Variants in NEGR1 observed in about 807,000 individuals in gnomAD.
The protein encoded by NEGR1 is neuronal growth regulator 1, also known as IgLON family member 4.
Under a neutral mutation model 40.9 loss-of-function variants are expected in NEGR1, and 10 were observed. That is an observed-to-expected ratio of 0.24 (90% confidence interval 0.15 to 0.42). NEGR1 has a LOEUF of 0.42. Ranked by LOEUF, NEGR1 falls within the 10% of genes least tolerant of loss-of-function variation. NEGR1 has a pLI of 1.00. For synonymous variants in NEGR1, 185 were observed against 166.8 expected (o/e 1.11, Z -0.84); for missense variants, 352 against 438.9 (o/e 0.80, Z 1.77).
chr1:71,649,230 C>T (rs1251599474), intron 4 of NEGR1, among the ~76,000 whole-genome samples: 1 of 152,008 alleles, frequency 6.6e-6, no homozygotes, highest in Non-Finnish European at 1.5e-5. Flanking sequence ...AAAAGCAAAA[C>T]TTTCATATTC....
intron 2 of NEGR1, among the ~76,000 whole-genome samples, chr1:71,839,705 T>G (rs1398511293): frequency 1.3e-5 from 2 of 152,202 alleles, no homozygotes; most frequent in African/African-American, 4.8e-5. Flanking sequence ...TATTTGCAAA[T>G]ATTCCAGAGG....
At chr1:71,466,934 T>C (rs1006548600) in intron 6 of NEGR1, among the ~76,000 whole-genome samples, 27 of 152,236 alleles carry the variant, frequency 1.8e-4, no homozygotes, top group African/African-American at 6.0e-4. Context: ...GATTGTCAAC[T>C]CTGTAGTATA....
At chr1:71,636,082 A>G (rs1651138803) in intron 4 of NEGR1, among the ~76,000 whole-genome samples, 2 of 152,202 alleles carry the variant, frequency 1.3e-5, no homozygotes, top group Non-Finnish European at 2.9e-5. Context: ...TAAATGTTTC[A>G]TCGTTTTAAA....
intron 6 of NEGR1, among the ~76,000 whole-genome samples, chr1:71,475,524 G>A (rs900550898): frequency 6.6e-6 from 1 of 151,878 alleles, no homozygotes; most frequent in African/African-American, 2.4e-5. Flanking sequence ...TGCAATAAAT[G>A]TTATTAATAA....
intron 1 of NEGR1, among the ~76,000 whole-genome samples, chr1:72,021,512 A>C (rs550203250): frequency 6.6e-6 from 1 of 152,168 alleles, no homozygotes; most frequent in Non-Finnish European, 1.5e-5. Flanking sequence ...AAAGTTAATA[A>C]ATCGGAGATA....
chr1:71,724,143 GA>G (rs1293890871), intron 3 of NEGR1, among the ~76,000 whole-genome samples: 1 of 152,108 alleles, frequency 6.6e-6, no homozygotes, highest in Non-Finnish European at 1.5e-5. Context: ...ACAGCTTACT[GA>G]TGCTGGATTC....
intron 1 of NEGR1, among the ~76,000 whole-genome samples, chr1:72,156,344 C>A (rs911977266): frequency 6.6e-6 from 1 of 152,132 alleles, no homozygotes; most frequent in Non-Finnish European, 1.5e-5. Flanking sequence ...AGGCTACCAG[C>A]TCCATTTCAC....
intron 3 of NEGR1, among the ~76,000 whole-genome samples, chr1:71,699,978 T>C (rs916884770): frequency 6.6e-6 from 1 of 151,934 alleles, no homozygotes; most frequent in Non-Finnish European, 1.5e-5. Context: ...TGGAACTGTA[T>C]GTCCGATTAA....
chr1:71,559,623 G>T (rs1648375327), intron 6 of NEGR1, among the ~76,000 whole-genome samples: 1 of 151,446 alleles, frequency 6.6e-6, no homozygotes, highest in South Asian at 2.1e-4. Flanking sequence ...TTCCCAGAAA[G>T]GTCCTTTAAA....
intron 1 of NEGR1, among the ~76,000 whole-genome samples, chr1:71,997,999 T>C (rs140730784): frequency 2.6e-5 from 4 of 152,124 alleles, no homozygotes; most frequent in Admixed American, 1.3e-4. Context: ...GATTTATCCT[T>C]TGTAAAAATT....
intron 1 of NEGR1, among the ~76,000 whole-genome samples, chr1:72,142,356 C>A (rs143898243): frequency 6.6e-6 from 1 of 151,654 alleles, no homozygotes; most frequent in African/African-American, 2.4e-5. Flanking sequence ...CATAAGTAAA[C>A]CAATTTTCAG....
chr1:72,069,264 AAAAC>A (rs1020832309), intron 1 of NEGR1, among the ~76,000 whole-genome samples: 3 of 151,802 alleles, frequency 2.0e-5, no homozygotes, highest in Non-Finnish European at 4.4e-5. Context: ...ACAAAAAACA[AAAAC>A]AAACAAACAA....
intron 6 of NEGR1, among the ~76,000 whole-genome samples, chr1:71,473,702 G>A (rs190301871): frequency 7.2e-5 from 11 of 152,116 alleles, no homozygotes; most frequent in African/African-American, 1.7e-4. Flanking sequence ...TGGACCTTAT[G>A]GATGTACGGG....
chr1:71,993,018 C>T (rs188867083), intron 1 of NEGR1, among the ~76,000 whole-genome samples: 7 of 152,082 alleles, frequency 4.6e-5, no homozygotes, highest in African/African-American at 9.6e-5. Flanking sequence ...TCCAAACAAA[C>T]GAAAAGAGAG....
intron 6 of NEGR1, among the ~76,000 whole-genome samples, chr1:71,450,578 G>A (rs1433949555): frequency 4.6e-5 from 7 of 150,694 alleles, no homozygotes; most frequent in South Asian, 2.1e-4. Context: ...AGGCTGAGGC[G>A]GGCAGATCTC....
At chr1:71,958,642 A>T (rs1646137712) in intron 1 of NEGR1, among the ~76,000 whole-genome samples, 1 of 152,162 alleles carries the variant, frequency 6.6e-6, no homozygotes, top group Admixed American at 6.5e-5. Context: ...AGCTGACAAG[A>T]ACTAATTCTT....
At chr1:71,601,751 A>T (rs1205832606) in intron 5 of NEGR1, among the ~76,000 whole-genome samples, 6 of 152,192 alleles carry the variant, frequency 3.9e-5, no homozygotes, top group Non-Finnish European at 2.9e-5. Context: ...TGGGAGTTAA[A>T]AAATGGGTAC....
intron 6 of NEGR1, among the ~76,000 whole-genome samples, chr1:71,469,046 A>G (rs1001912665): frequency 3.9e-5 from 6 of 152,068 alleles, no homozygotes; most frequent in African/African-American, 1.2e-4. Flanking sequence ...AGGTTGTACA[A>G]TATGTTCAAA....
At chr1:72,155,982 A>C (rs969626780) in intron 1 of NEGR1, among the ~76,000 whole-genome samples, 8 of 152,162 alleles carry the variant, frequency 5.3e-5, no homozygotes, top group African/African-American at 1.7e-4. Context: ...GTCTGCAACA[A>C]TACTGGAAAG....
Sources: gnomAD v4.1 joint callset for allele counts (sites outside exome capture counted in the v4.1 genomes callset) on GRCh38, gnomAD v4.1.1 for gene constraint, MANE v1.5 for transcripts, NCBI Gene and HGNC (gene_info 2026-07-23, HGNC 2026-07-21) for gene names.